The following ANK1 variants were observed in gnomAD, a reference collection of about 807,000 sequenced individuals.
ANK1 encodes the protein ankyrin 1.
ANK1 carries 51 observed loss-of-function variants against 210.4 expected under a neutral mutation model. The ratio of observed to expected loss-of-function variants is 0.24; its 90% confidence interval spans 0.19 to 0.31. The LOEUF (loss-of-function observed/expected upper bound fraction) is 0.31, where lower values mean the gene tolerates loss of function less well. Among genes scored for constraint, ANK1 ranks in the 10% least tolerant of loss-of-function variants. ANK1 has a pLI of 1.00. For missense variants in ANK1, 2,051 were observed against 2,504.4 expected (o/e 0.82, Z 3.86); for synonymous variants, 967 against 1,025.9 (o/e 0.94, Z 1.10).
chr8:41,752,784 C>T (rs1446047452), intron 2 of ANK1, among the ~76,000 whole-genome samples: 1 of 120,048 alleles, frequency 8.3e-6, no homozygotes, highest in African/African-American at 2.9e-5. Context: ...TCCTGCGCTG[C>T]TGGGCACACA....
At chr8:41,809,378 G>C (rs568508045) in intron 1 of ANK1, among the ~76,000 whole-genome samples, 1 of 152,336 alleles carries the variant, frequency 6.6e-6, no homozygotes, top group East Asian at 1.9e-4. Context: ...GGAGCAATTA[G>C]CAAACGCGTC....
intron 1 of ANK1, among the ~76,000 whole-genome samples, chr8:41,892,457 C>A (rs566155531): frequency 6.6e-6 from 1 of 152,332 alleles, no homozygotes; most frequent in African/African-American, 2.4e-5. Context: ...TGCACTCTTC[C>A]TCCATCCCTC....
chr8:41,725,721 C>A, intron 6 of ANK1, 40 bp downstream of exon 6: 1 of 1,587,766 alleles, frequency 6.3e-7, no homozygotes, highest in Non-Finnish European at 8.5e-7. Context: ...AGCCCACGGG[C>A]GTCCGCGGCC....
chr8:41,698,120 C>A lies in ANK1; in HGVS notation c.2560G>T (p.Val854Leu). Residue 854 changes from valine (V) to leucine (L), a missense_variant and splice_region_variant, in exon 24 of 43, where the codon GTG (valine) becomes TTG (leucine). Around this residue, in one of 6 missense-constraint regions of ANK1, gnomAD observed 1,413 missense variants for 1,707.4 expected, o/e 0.83. Transcript: ENST00000289734. ...LDFVPKLDQVVESPAIPRIPC... is the reference protein window; with the variant it reads ...LDFVPKLDQVLESPAIPRIPC... Reference sequence around the variant, plus strand: ...ATCCTGGGGATGGCTGGAGATTCCACCCTGCGTGCCAAGAACACCAGAACA... The same window carrying A: ...ATCCTGGGGATGGCTGGAGATTCCAACCTGCGTGCCAAGAACACCAGAACA... The A allele has an allele frequency of 6.2e-7, 1 of 1,614,042 alleles. No homozygotes were observed. The highest frequency in any genetic ancestry group is 8.5e-7 in the Non-Finnish European group (1 of 1,180,012).
chr8:41,724,146 C>A (rs1336331833), intron 7 of ANK1, among the ~76,000 whole-genome samples: 1 of 152,184 alleles, frequency 6.6e-6, no homozygotes, highest in Non-Finnish European at 1.5e-5. Flanking sequence ...CACCACACCA[C>A]CCAAGCCCAT....
At chr8:41,755,065 T>C (rs752355199) in intron 2 of ANK1, among the ~76,000 whole-genome samples, 4 of 152,262 alleles carry the variant, frequency 2.6e-5, no homozygotes, top group Admixed American at 6.5e-5. Context: ...GAGGCCAGGC[T>C]TAGCCAGGAC....
Position 41,696,722 on chromosome 8 carries a change from C to G in ANK1, c.2689G>C (p.Glu897Gln). The G allele has an allele frequency of 3.1e-6, 5 of 1,602,460 alleles. No homozygotes were observed. Among genetic ancestry groups the G allele is most frequent in the Non-Finnish European group, 4.2e-6 (5 of 1,179,936 alleles). Residue 897 changes from glutamate to glutamine, a missense_variant, in exon 25 of 43, where the codon GAG becomes CAG. Around this residue, in one of 6 missense-constraint regions of ANK1, gnomAD observed 1,413 missense variants for 1,707.4 expected, o/e 0.83. Transcript: ENST00000289734. ...DSLIPSSPAT[E>Q]TSDNISPVAS... The stretch of plus-strand genomic sequence containing the variant: ...ACCGGGCTGATGTTGTCTGAGGTCT[C>G]GGTGGCCGGGCTGCTGGGGATGAGG...
Position 41,703,400 on chromosome 8 carries a change from A to G in ANK1, c.2295+641T>C, listed in dbSNP as rs200070190. On this transcript the variant is annotated intron_variant, in intron 20 of 42. Coordinates refer to ENST00000289734, the MANE Select transcript of ANK1 (RefSeq NM_000037.4). ...TGTGTGTGCATATATATATATGTAT[A>G]TGTGTGTGTGTGTGTGTGTGTGTAT... Among the ~76,000 whole-genome samples the G allele has an allele frequency of 4.3e-3, 321 of 73,884 alleles. 1 individual carries two copies. The highest frequency in any genetic ancestry group is 0.012 in the African/African-American group (218 of 18,058). 48.5% of individuals were successfully genotyped at this position (73,884 alleles called of 152,430 possible).
chr8:41,701,659 A>T, intron 21 of ANK1, 37 bp from the exon 22 acceptor site: 1 of 1,599,142 alleles, frequency 6.3e-7, no homozygotes, highest in South Asian at 1.1e-5. Context: ...AACCCAAACT[A>T]GAGCCGCACA....
intron 5 of ANK1, 60 bp from the exon 6 acceptor site, chr8:41,726,006 G>A (rs1830608508): frequency 1.9e-6 from 3 of 1,571,566 alleles, no homozygotes; most frequent in Middle Eastern, 2.0e-4. Flanking sequence ...CCCTTCACAC[G>A]GGACACACCC....
chr8:41,731,420 T>A (rs1380495789), intron 3 of ANK1, among the ~76,000 whole-genome samples: 1 of 152,108 alleles, frequency 6.6e-6, no homozygotes, highest in Admixed American at 6.5e-5. Flanking sequence ...CCAGTGGAGA[T>A]GAAAGCTGTC....
chr8:41,726,971 G>C (rs1009056075), intron 5 of ANK1, among the ~76,000 whole-genome samples: 1 of 152,124 alleles, frequency 6.6e-6, no homozygotes, highest in South Asian at 2.1e-4. Context: ...TGCATGCTTC[G>C]CCTGCCCCCT....
intron 40 of ANK1, among the ~76,000 whole-genome samples, chr8:41,662,937 A>T (rs1433214216): frequency 6.6e-6 from 1 of 151,982 alleles, no homozygotes; most frequent in African/African-American, 2.4e-5. Flanking sequence ...AATTATTGTG[A>T]TGGGGTCTCA....
intron 3 of ANK1, 80 bp from the exon 4 acceptor site, chr8:41,728,086 G>A (rs1455057123): frequency 1.4e-6 from 2 of 1,412,358 alleles, no homozygotes; most frequent in African/African-American, 2.8e-5. Flanking sequence ...GTGGACAGGT[G>A]CTGCTTGAGG....
At chr8:41,748,342 A>C (rs567516107) in intron 2 of ANK1, among the ~76,000 whole-genome samples, 2 of 152,328 alleles carry the variant, frequency 1.3e-5, no homozygotes, top group South Asian at 4.1e-4. Flanking sequence ...AGAACTATGT[A>C]GTTTAATACA....
In ANK1 at chr8:41,684,614, C is replaced by G; in HGVS notation, c.4467G>C (p.Gln1489His). The G allele has an allele frequency of 1.9e-6, 3 of 1,613,946 alleles. No homozygotes were observed. Among genetic ancestry groups the G allele is most frequent in the Non-Finnish European group, 2.5e-6 (3 of 1,180,038 alleles). The stretch of plus-strand genomic sequence containing the variant: ...GCCTGTCTGGCTTCAAGTTGCGGCT[C>G]TGTCGGCCGGAACCCTCCAGCATGT... ...IVNMLEGSGRQSRNLKPDRRH... is the reference protein window; with the variant it reads ...IVNMLEGSGRHSRNLKPDRRH... Residue 1489 changes from glutamine to histidine, a missense_variant, in exon 37 of 43, where the codon CAG (glutamine) becomes CAC (histidine). This residue lies in a region of ANK1 where 496 missense variants were observed against 533.4 expected (regional missense o/e 0.93). Coordinates refer to ENST00000289734, the MANE Select transcript of ANK1 (RefSeq NM_000037.4).
chr8:41,829,215 C>T (rs1346400561), intron 1 of ANK1: 5 of 152,170 alleles, frequency 3.3e-5, no homozygotes, highest in Admixed American at 6.5e-5. Flanking sequence ...TGCCACAAGG[C>T]TTCAAAGGAA....
intron 1 of ANK1, among the ~76,000 whole-genome samples, chr8:41,874,464 G>A (rs374566989): frequency 2.0e-5 from 3 of 152,284 alleles, no homozygotes; most frequent in East Asian, 3.9e-4. Context: ...CTTTCGGGTC[G>A]CCTGCCCGCA....
intron 1 of ANK1, among the ~76,000 whole-genome samples, chr8:41,895,566 C>T (rs1820324657): frequency 6.6e-6 from 1 of 152,120 alleles, no homozygotes; most frequent in Non-Finnish European, 1.5e-5. Flanking sequence ...GTCTCGGCAC[C>T]CCGACACAGA....
Sources: gnomAD v4.1 joint callset for allele counts (sites outside exome capture counted in the v4.1 genomes callset) on GRCh38, gnomAD v4.1.1 for gene constraint, gnomAD v4.1.1 regional missense constraint, MANE v1.5 for transcripts, NCBI Gene and HGNC (gene_info 2026-07-23, HGNC 2026-07-21) for gene names.